The following LRRC46 variants were observed in gnomAD, a reference collection of about 807,000 sequenced individuals.
LRRC46 encodes the protein leucine rich repeat containing 46, also known as leucine-rich repeat-containing protein 46.
In LRRC46, 20 loss-of-function variants were observed where a neutral mutation model predicts 28.0. The ratio of observed to expected loss-of-function variants is 0.71; its 90% CI spans 0.50 to 1.04. The LOEUF is 1.04. LRRC46 is among the 50% of genes least tolerant of loss of function. LRRC46 has a pLI of 0.00. For missense variants in LRRC46, 315 were observed against 390.1 expected (o/e 0.81, Z 1.62); for synonymous variants, 156 against 158.8 (o/e 0.98, Z 0.13).
In LRRC46 at chr17:47,831,867, T is replaced by G. The variant is rs896860949; in HGVS notation, c.-123T>G. The stretch of plus-strand genomic sequence containing the variant: ...TCTCTGAATCAACCCCCTTTCCTCC[T>G]CTCCTAAGTCTCTGAGTTTCTCTCT... On this transcript the variant is annotated 5_prime_UTR_variant, in exon 1 of 8. Transcript: ENST00000269025. 8 of 1,295,744 alleles carry G rather than the reference T, an allele frequency of 6.2e-6. No individual in the cohort carries two copies. The highest frequency in any genetic ancestry group is 8.8e-6 in the Non-Finnish European group (8 of 913,542). The allele number at this position is 1,295,744 out of a possible 1,614,324, so 80.3% of individuals were successfully genotyped here.
chr17:47,832,623 G>C (rs142221486), intron 2 of LRRC46, among the ~76,000 whole-genome samples: 1 of 152,376 alleles, frequency 6.6e-6, no homozygotes, highest in Non-Finnish European at 1.5e-5. Context: ...TGTGGCTGCA[G>C]TAAGCTATGA....
chr17:47,836,536 G>A lies in LRRC46; in HGVS notation c.595+61G>A. On this transcript the variant is annotated intron_variant, in intron 7 of 7. Transcript: ENST00000269025. The surrounding 1 kb of genome is among the most constrained non-coding windows in gnomAD (Gnocchi z 5.8). The stretch of plus-strand genomic sequence containing the variant: ...AGCCCACCTCTGCCCTGTGGGACAT[G>A]AGGGAAGCTAAGGTGGCAGTGGCGT... 2 of 1,586,670 alleles carry A rather than the reference G, an allele frequency of 1.3e-6. No homozygotes were observed. Among genetic ancestry groups the A allele is most frequent in the Non-Finnish European group, 1.7e-6 (2 of 1,165,110 alleles).
At chr17:47,833,675 C>T (rs905020550) in intron 2 of LRRC46, among the ~76,000 whole-genome samples, 1 of 151,694 alleles carries the variant, frequency 6.6e-6, no homozygotes, top group Non-Finnish European at 1.5e-5. Flanking sequence ...TGGTCTTGAA[C>T]TCCTGACCTC....
chr17:47,836,951 C>A lies in LRRC46; in HGVS notation c.797C>A (p.Ser266Tyr), dbSNP rs1396068087. ...QGEETVPEAV[S>Y]SPQASSPTKK... ...GAGGAGACAGTCCCTGAGGCCGTCT[C>A]CTCACCCCAGGCCTCCTCTCCCACC... Residue 266 changes from serine to tyrosine, a missense_variant, in exon 8 of 8, where the codon TCC becomes TAC. Ser to Tyr is a moderately radical substitution (Grantham distance 144). Coordinates refer to ENST00000269025, the MANE Select transcript of LRRC46 (RefSeq NM_033413.4). This position sits in a 1 kb window ranked among gnomAD's most constrained non-coding sequence, Gnocchi z 5.8. 2 of 1,613,896 alleles carry A rather than the reference C, an allele frequency of 1.2e-6. No individual in the cohort carries two copies. Among genetic ancestry groups the A allele is most frequent in the Non-Finnish European group, 1.7e-6 (2 of 1,179,948 alleles).
chr17:47,832,071 G>T (rs548296810), intron 1 of LRRC46, 29 bp from the exon 2 acceptor site: 91 of 1,613,488 alleles, frequency 5.6e-5, no homozygotes, highest in Non-Finnish European at 7.5e-5. Flanking sequence ...GAGTGAGGAA[G>T]TGTCACAGTT....
At position 47,836,016 on chromosome 17, in the gene LRRC46, C is replaced by T. The variant is rs1456770591; in HGVS notation, c.383-17C>T. On this transcript the variant is annotated splice_polypyrimidine_tract_variant and intron_variant, in intron 5 of 7. Transcript: ENST00000269025. This position sits in a 1 kb window ranked among gnomAD's most constrained non-coding sequence, Gnocchi z 5.8. The stretch of plus-strand genomic sequence containing the variant: ...ATCAAGTGAGAACCCCATTTCCTCT[C>T]TCTTTGCTGTGTGCAGATGAGTTCC... 1.2e-6 allele frequency: 2 copies of T among 1,613,774 alleles called. No homozygotes were observed.
In LRRC46 at chr17:47,831,948, G is replaced by A. The variant is rs746825371; in HGVS notation, c.-42G>A. 3.7e-6 allele frequency: 6 copies of A among 1,612,270 alleles called. No individual in the cohort carries two copies. The highest frequency in any genetic ancestry group is 5.1e-6 in the Non-Finnish European group (6 of 1,179,940). ...AGGGGCCGCCAAGACCTCTCTTTTC[G>A]TTCCTCTCCCGCCTCAGACCAGCAG... On this transcript the variant is annotated 5_prime_UTR_variant, in exon 1 of 8. Transcript: ENST00000269025.
Position 47,836,132 on chromosome 17 carries a change from A to C in LRRC46, c.452+30A>C. 6.2e-7 allele frequency: 1 copy of C among 1,612,078 alleles called. No homozygotes were observed. The highest frequency in any genetic ancestry group is 2.2e-5 in the East Asian group (1 of 44,868). On this transcript the variant is annotated intron_variant, in intron 6 of 7. Coordinates refer to ENST00000269025, the MANE Select transcript of LRRC46 (RefSeq NM_033413.4). This position sits in a 1 kb window ranked among gnomAD's most constrained non-coding sequence, Gnocchi z 5.8. ...GGAGTGGAGGGTGGGAAGAAAGGTC[A>C]TGGCTGAGCTCTACCTGCTAACTCA...
At chr17:47,834,291 T>G in intron 2 of LRRC46, 134 bp from the exon 3 acceptor site, 1 of 789,380 alleles carries the variant, frequency 1.3e-6, no homozygotes, top group Non-Finnish European at 2.0e-6. Context: ...GTCAAGATGT[T>G]TCTCACATCT....
intron 2 of LRRC46, among the ~76,000 whole-genome samples, chr17:47,833,265 A>G (rs374284020): frequency 3.3e-5 from 5 of 151,958 alleles, no homozygotes; most frequent in South Asian, 2.1e-4. Context: ...TGCACAGCCT[A>G]TGTACTCCCT....
chr17:47,834,561 C>G (rs773339952), intron 3 of LRRC46, 28 bp downstream of exon 3: 23 of 1,477,824 alleles, frequency 1.6e-5, no homozygotes, highest in Non-Finnish European at 2.2e-5. Flanking sequence ...CCTTCCCCTC[C>G]CCTTGACCCC....
Position 47,836,049 on chromosome 17 carries a change from C to T in LRRC46, c.399C>T (p.Ser133=). 2 of 1,614,164 alleles carry T rather than the reference C, an allele frequency of 1.2e-6. No individual in the cohort carries two copies. Among genetic ancestry groups the T allele is most frequent in the African/African-American group, 2.7e-5 (2 of 75,050 alleles). ...TGTGTGCAGATGAGTTCCCCCAGAG[C>T]CTTCTCATCCTCAACCTGTCTGGAA... ...ETLKLDEFPQ[S]LLILNLSGNS... Residue 133 remains serine (S), a synonymous_variant, in exon 6 of 8, where the codon AGC becomes AGT. Coordinates refer to ENST00000269025, the MANE Select transcript of LRRC46 (RefSeq NM_033413.4). The surrounding 1 kb of genome is among the most constrained non-coding windows in gnomAD (Gnocchi z 5.8).
chr17:47,835,858 T>C (rs1349436220), intron 5 of LRRC46, 83 bp downstream of exon 5: 14 of 1,371,778 alleles, frequency 1.0e-5, no homozygotes, highest in Non-Finnish European at 1.5e-5. Flanking sequence ...CCCATGCTTC[T>C]ATTAGCCATG....
In LRRC46 at chr17:47,836,560, G is replaced by A. The variant is rs2325753; in HGVS notation, c.595+85G>A. The A allele has an allele frequency of 0.019, 29,114 of 1,552,056 alleles. 347 individuals are homozygous for A. Among genetic ancestry groups the A allele is most frequent in the Middle Eastern group, 0.037 (184 of 4,948 alleles). ...TGAGGGAAGCTAAGGTGGCAGTGGCGTCCGGGGAGGGGAGCCCCAAGTTCA... is the reference window on the plus strand; with the variant it reads ...TGAGGGAAGCTAAGGTGGCAGTGGCATCCGGGGAGGGGAGCCCCAAGTTCA... On this transcript the variant is annotated intron_variant, in intron 7 of 7. Transcript: ENST00000269025. This position sits in a 1 kb window ranked among gnomAD's most constrained non-coding sequence, Gnocchi z 5.8.
intron 3 of LRRC46, chr17:47,835,105 T>C: frequency 2.0e-6 from 1 of 508,552 alleles, no homozygotes; most frequent in Non-Finnish European, 3.5e-6. Context: ...ACTCTTTGGT[T>C]GTGGAATCAG....
At position 47,836,386 on chromosome 17, in the gene LRRC46, T is replaced by C. The variant is rs760911937; in HGVS notation, c.506T>C (p.Val169Ala). Residue 169 changes from valine (V) to alanine (A), a missense_variant, in exon 7 of 8, where the codon GTG (valine) becomes GCG (alanine). By Grantham distance (64) the Val-to-Ala change is moderately conservative (BLOSUM62 0). Coordinates refer to ENST00000269025, the MANE Select transcript of LRRC46 (RefSeq NM_033413.4). This position sits in a 1 kb window ranked among gnomAD's most constrained non-coding sequence, Gnocchi z 5.8. ...PLLLDLDGQP[V>A]VERWISDEED... ...CTCCTGGACCTGGACGGGCAGCCTG[T>C]GGTGGAGCGCTGGATTTCGGATGAG... is the stretch of plus-strand genomic sequence containing the variant. The C allele has an allele frequency of 2.5e-6, 4 of 1,613,962 alleles. No individual in the cohort carries two copies. Among genetic ancestry groups the C allele is most frequent in the African/African-American group, 2.7e-5 (2 of 74,884 alleles).
chr17:47,836,659 G>A lies in LRRC46; in HGVS notation c.596-91G>A, dbSNP rs750494487. On this transcript the variant is annotated intron_variant, in intron 7 of 7. Coordinates refer to ENST00000269025, the MANE Select transcript of LRRC46 (RefSeq NM_033413.4). This position sits in a 1 kb window ranked among gnomAD's most constrained non-coding sequence, Gnocchi z 5.8. ...AGGCTCCTTCCCACAAGGGACAAGG[G>A]GCCAGCCAGAGACTTCCCTGAGCCC... The A allele has an allele frequency of 1.3e-6, 2 of 1,541,624 alleles. No homozygotes were observed. Among genetic ancestry groups the A allele is most frequent in the Non-Finnish European group, 1.7e-6 (2 of 1,144,684 alleles).
chr17:47,835,203 T>C, intron 3 of LRRC46, 150 bp from the exon 4 acceptor site: 2 of 823,142 alleles, frequency 2.4e-6, no homozygotes, highest in Non-Finnish European at 4.3e-6. Context: ...CTTAAGGTAG[T>C]GGCAACCTGT....
At chr17:47,835,435 G>A (rs774103035) in intron 4 of LRRC46, 36 bp downstream of exon 4, 7 of 1,611,706 alleles carry the variant, frequency 4.3e-6, no homozygotes, top group Non-Finnish European at 5.9e-6. Flanking sequence ...GGGAAGAGGG[G>A]TTGGGGGAAC....
Sources: allele counts gnomAD v4.1 joint callset (sites outside exome capture counted in the v4.1 genomes callset), GRCh38; gene constraint gnomAD v4.1.1; non-coding constraint Gnocchi (gnomAD v3.1); transcripts MANE v1.5; gene names NCBI Gene and HGNC (gene_info 2026-07-23, HGNC 2026-07-21).